LSS: variants seen among roughly 807,000 people sequenced by gnomAD.
LSS encodes the protein lanosterol synthase.
A neutral mutation model predicts 110.3 loss-of-function variants in LSS; 90 were observed. The observed-to-expected ratio is 0.82, with a 90% confidence interval of 0.69 to 0.97. The LOEUF (loss-of-function observed/expected upper bound fraction) is 0.97, where lower values mean the gene tolerates loss of function less well. Among genes scored for constraint, LSS ranks in the 50% least tolerant of loss-of-function variants. The pLI, the probability that LSS is intolerant of heterozygous loss-of-function variation, is 0.00. For missense variants in LSS, 927 were observed against 990.0 expected, an observed-to-expected ratio of 0.94 and a Z score of 0.85; for synonymous variants, 433 against 400.0, an observed-to-expected ratio of 1.08 and a Z score of -0.98.
chr21:46,192,348 C>T (rs912678782), intron 20 of LSS: 5 of 402,612 alleles, frequency 1.2e-5, no homozygotes, highest in East Asian at 6.5e-5. Flanking sequence ...CAGGGCTCAG[C>T]GGGCCCAGCT....
rs527666472 is a variant in LSS, at chr21:46,210,095, C to T, written c.1195-470G>A. On this transcript the variant is annotated intron_variant, in intron 12 of 21. Transcript: ENST00000397728. ...TTTTTTTTTTTTTTTGAGACGGAGC[C>T]TCTCTCTGTCACCCAGGCTGGAGTG... 1.3e-4 allele frequency among the ~76,000 whole-genome samples: 19 copies of T among 145,952 alleles called. No homozygotes were observed. In the South Asian group the frequency reaches 4.2e-3, roughly 32 times the overall value.
rs1448459699 is a variant in LSS, at chr21:46,205,919, G to A, written c.1587C>T (p.Thr529=). ...TCACGGCTGAGGTGCACTCCACATA[G>A]GTGTAGTCAATCATGATGTCCCCTG... The part of the protein sequence containing the change: ...EVFGDIMIDY[T]YVECTSAVMQ... Residue 529 remains threonine (T), a synonymous_variant, in exon 17 of 22, where the codon ACC becomes ACT. Transcript: ENST00000397728. The A allele has an allele frequency of 6.2e-7, 1 of 1,609,690 alleles. No homozygotes were observed. The highest frequency in any genetic ancestry group is 8.5e-7 in the Non-Finnish European group (1 of 1,177,958).
At chr21:46,215,528 T>G in intron 8 of LSS, among the ~76,000 whole-genome samples, 157 bp downstream of exon 8, 1 of 152,002 alleles carries the variant, frequency 6.6e-6, no homozygotes, top group East Asian at 1.9e-4. Context: ...CAGCTGGTTC[T>G]CAGGGTGGAG....
intron 17 of LSS, among the ~76,000 whole-genome samples, chr21:46,196,738 G>A (rs912071907): frequency 1.3e-5 from 2 of 152,208 alleles, no homozygotes; most frequent in Non-Finnish European, 2.9e-5. Context: ...CCTGTGGGAC[G>A]TGGGACTTGT....
rs1375611025 is a variant in LSS at position 46,189,922 on chromosome 21, C to T, written c.*1182G>A. The T allele has an allele frequency of 2.8e-6, 1 of 358,804 alleles. No homozygotes were observed. The highest frequency in any genetic ancestry group is 5.5e-6 in the Non-Finnish European group (1 of 180,826). The allele number at this position is 358,804 out of a possible 1,614,324, so 22.2% of individuals were successfully genotyped here. On this transcript the variant is annotated 3_prime_UTR_variant, in exon 22 of 22. Transcript: ENST00000397728. ...AAAGGCAAAGCCAGGACCTGAACTT[C>T]CCACCCCAAGCCCTACATCCATGCA...
Position 46,191,027 on chromosome 21 carries a change from G to T in LSS, c.*77C>A, listed in dbSNP as rs1391446470. 1 of 1,550,404 alleles carries T rather than the reference G, an allele frequency of 6.4e-7. No homozygotes were observed. Among genetic ancestry groups the T allele is most frequent in the African/African-American group, 1.6e-5 (1 of 63,564 alleles). On this transcript the variant is annotated 3_prime_UTR_variant, in exon 22 of 22. Coordinates refer to ENST00000397728, the MANE Select transcript of LSS (RefSeq NM_002340.6). ...GGTTGGAGCCCAAGACAGGGTTATG[G>T]GAGGGCTCCCCAACCCGGCCAGGAC...
chr21:46,217,253 A>C (rs2080218821), intron 6 of LSS, among the ~76,000 whole-genome samples: 1 of 135,180 alleles, frequency 7.4e-6, no homozygotes, highest in Admixed American at 8.0e-5. Context: ...CAAAAAAAAA[A>C]AAAAGAAAAG....
chr21:46,194,783 T>A, intron 19 of LSS, 122 bp from the exon 20 acceptor site: 3 of 919,686 alleles, frequency 3.3e-6, no homozygotes, highest in South Asian at 1.8e-5. Flanking sequence ...CCACCCTACC[T>A]AAGGGCCATG....
chr21:46,217,252 AAAAAAG>A (rs1253700604), intron 6 of LSS, among the ~76,000 whole-genome samples: 2 of 134,950 alleles, frequency 1.5e-5, no homozygotes, highest in African/African-American at 2.5e-5. Flanking sequence ...TCAAAAAAAA[AAAAAAG>A]AAAAGAAAAA....
At chr21:46,193,216 C>T (rs570974756) in intron 20 of LSS, 1 of 443,144 alleles carries the variant, frequency 2.3e-6, no homozygotes, top group African/African-American at 2.1e-5. Flanking sequence ...GTGGGTGTAT[C>T]TGCATGTGTG....
intron 2 of LSS, 64 bp from the exon 3 acceptor site, chr21:46,227,754 C>T (rs2080365968): frequency 1.3e-6 from 2 of 1,578,392 alleles, no homozygotes; most frequent in Admixed American, 1.7e-5. Flanking sequence ...GCCAGAGGAA[C>T]CCTCTTCACA....
chr21:46,225,387 CGTG>C (rs2080324916), intron 3 of LSS: 1 of 453,338 alleles, frequency 2.2e-6, no homozygotes, highest in African/African-American at 2.0e-5. Context: ...CGGACCCAAC[CGTG>C]GTCTAGCGGT....
At chr21:46,194,699 G>C in intron 19 of LSS, 38 bp from the exon 20 acceptor site, 1 of 1,593,170 alleles carries the variant, frequency 6.3e-7, no homozygotes, top group Non-Finnish European at 8.5e-7. Context: ...ATCACACCAA[G>C]GAAGGTCCCA....
intron 5 of LSS, 139 bp from the exon 6 acceptor site, chr21:46,219,711 C>A: frequency 2.0e-6 from 1 of 509,228 alleles, no homozygotes; most frequent in Non-Finnish European, 3.4e-6. Context: ...GTGGATCTTG[C>A]GACCCCCATG....
rs777973652 is a variant in LSS, at chr21:46,215,240, C to T, written c.951G>A (p.Gln317=). 3.1e-6 allele frequency: 5 copies of T among 1,611,218 alleles called. No homozygotes were observed. The highest frequency in any genetic ancestry group is 1.3e-5 in the African/African-American group (1 of 74,876). ...CGGCCACAATGTGTTCATACAGCTT[C>T]TGCACGGCCCGCTGCCGCAGGTGGG... ...HSAHLRQRAV[Q]KLYEHIVADD... Residue 317 remains glutamine, a synonymous_variant, in exon 9 of 22, where the codon CAG becomes CAA. Coordinates refer to ENST00000397728, the MANE Select transcript of LSS (RefSeq NM_002340.6).
In LSS at chr21:46,217,502, C is replaced by A. The variant is rs115970062; in HGVS notation, c.648-978G>T. The stretch of plus-strand genomic sequence containing the variant: ...AGCCTTCCCTGCTCCCTGACTGTGG[C>A]ATCAGGCCTTGGCCCACTTTCACAC... On this transcript the variant is annotated intron_variant, in intron 6 of 21. Transcript: ENST00000397728. 1.0e-2 allele frequency among the ~76,000 whole-genome samples: 1,523 copies of A among 152,306 alleles called. 27 individuals carry two copies. The highest frequency in any genetic ancestry group is 0.035 in the African/African-American group (1,441 of 41,560).
intron 5 of LSS, among the ~76,000 whole-genome samples, chr21:46,219,824 G>C (rs147841681): frequency 4.9e-4 from 74 of 152,322 alleles, no homozygotes; most frequent in Admixed American, 7.8e-4. Context: ...CCCAGGAGAG[G>C]TGTTTGCAAC....
Position 46,209,487 on chromosome 21 carries a change from G to A in LSS, c.1266+67C>T. The A allele has an allele frequency of 3.5e-6, 5 of 1,440,908 alleles. No homozygotes were observed. In the South Asian group the frequency reaches 5.1e-5, roughly 15 times the overall value. The allele number at this position is 1,440,908 out of a possible 1,614,324, so 89.3% of individuals were successfully genotyped here. A position where few individuals can be genotyped will look rare whatever the true frequency, so the allele number is the denominator to read the frequency against. Reference sequence around the variant, plus strand: ...GGGTGGAGGTGAGGTGGGCACTTCTGCCTGCAGGAGCTCCCAGCCCTGATC... The same window carrying A: ...GGGTGGAGGTGAGGTGGGCACTTCTACCTGCAGGAGCTCCCAGCCCTGATC... On this transcript the variant is annotated intron_variant, in intron 13 of 21. Coordinates refer to ENST00000397728, the MANE Select transcript of LSS (RefSeq NM_002340.6). This position sits in a 1 kb window ranked among gnomAD's most constrained non-coding sequence, Gnocchi z 4.4.
chr21:46,211,886 G>T (rs900481963), intron 11 of LSS, among the ~76,000 whole-genome samples: 1 of 152,214 alleles, frequency 6.6e-6, no homozygotes, highest in African/African-American at 2.4e-5. Flanking sequence ...GCCTGTGCAG[G>T]CCTGGCCTGA....
Sources: gnomAD v4.1 joint callset for allele counts (sites outside exome capture counted in the v4.1 genomes callset) on GRCh38, gnomAD v4.1.1 for gene constraint, Gnocchi (gnomAD v3.1) non-coding constraint, MANE v1.5 for transcripts, NCBI Gene and HGNC (gene_info 2026-07-23, HGNC 2026-07-21) for gene names.